Variants in ESYT2 observed in about 807,000 individuals in gnomAD.
ESYT2 encodes extended synaptotagmin 2.
A neutral mutation model predicts 107.2 loss-of-function variants in ESYT2; 54 were observed. The observed-to-expected ratio is 0.50, with a 90% CI of 0.40 to 0.63. The LOEUF is 0.63. Ranked by LOEUF, ESYT2 falls within the 30% of genes least tolerant of loss-of-function variation. The pLI is 0.00. For missense variants in ESYT2, 1,020 were observed against 1,094.5 expected (o/e 0.93, Z 0.96); for synonymous variants, 491 against 434.1 (o/e 1.13, Z -1.63).
intron 16 of ESYT2, among the ~76,000 whole-genome samples, chr7:158,747,389 A>G (rs1837441053): frequency 6.6e-6 from 1 of 152,164 alleles, no homozygotes; most frequent in Non-Finnish European, 1.5e-5. Context: ...ACGTCTTACA[A>G]ACTCAGTATT....
At position 158,737,133 on chromosome 7, in the gene ESYT2, T is replaced by C. The variant is rs775209416; in HGVS notation, c.2314A>G (p.Met772Val). Residue 772 changes from methionine (M) to valine (V), a missense_variant, in exon 20 of 23, where the codon ATG becomes GTG. Transcript: ENST00000275418. ...SEDGSDPYVR[M>V]YLLPDKRRSG... Reference sequence around the variant, plus strand: ...CGCCTCTTGTCTGGTAATAAATACATGCGGACATAGGGGTCAGAGCCGTCT... The same window carrying C: ...CGCCTCTTGTCTGGTAATAAATACACGCGGACATAGGGGTCAGAGCCGTCT... The C allele has an allele frequency of 4.3e-6, 7 of 1,613,970 alleles. No homozygotes were observed. The highest frequency in any genetic ancestry group is 2.2e-5 in the South Asian group (2 of 91,070).
chr7:158,770,599 C>A (rs1010695238), intron 7 of ESYT2, among the ~76,000 whole-genome samples: 1 of 151,994 alleles, frequency 6.6e-6, no homozygotes, highest in Non-Finnish European at 1.5e-5. Flanking sequence ...AGTGCAAGCT[C>A]CGCCTCCTGG....
rs1359357695 is a variant in ESYT2, at chr7:158,738,340, C to CACAG, written c.2267+679_2267+682dup. 1.9e-3 allele frequency among the ~76,000 whole-genome samples: 121 copies of CACAG among 64,104 alleles called. 5 individuals are homozygous for CACAG. Among genetic ancestry groups the CACAG allele is most frequent in the African/African-American group, 6.3e-3 (113 of 17,902 alleles). The allele number at this position is 64,104 out of a possible 152,430, so 42.1% of individuals were successfully genotyped here. ...AAAAAAAAAAAAATACACACACACA[C>CACAG]ACAGACACACACACACACACACACA... On this transcript the variant is annotated intron_variant, in intron 19 of 22. Coordinates refer to ENST00000275418, the MANE Select transcript of ESYT2 (RefSeq NM_001367773.1).
intron 1 of ESYT2, among the ~76,000 whole-genome samples, chr7:158,815,801 A>C (rs1313528132): frequency 6.6e-6 from 1 of 152,254 alleles, no homozygotes; most frequent in Admixed American, 6.5e-5. Context: ...AGATGTGATC[A>C]ATTATAAGCT....
At chr7:158,827,188 AAG>A (rs1026983057) in intron 1 of ESYT2, among the ~76,000 whole-genome samples, 5 of 152,086 alleles carry the variant, frequency 3.3e-5, no homozygotes, top group African/African-American at 1.2e-4. Flanking sequence ...AGAAAAGAAA[AAG>A]AAAATCTGTG....
intron 4 of ESYT2, among the ~76,000 whole-genome samples, chr7:158,790,450 G>A (rs919428508): frequency 1.4e-5 from 2 of 146,528 alleles, no homozygotes; most frequent in African/African-American, 4.8e-5. Flanking sequence ...GAAGAATGAG[G>A]ATGAAGGACA....
At chr7:158,761,417 G>T in intron 11 of ESYT2, 79 bp downstream of exon 11, 1 of 1,205,222 alleles carries the variant, frequency 8.3e-7, no homozygotes, top group East Asian at 2.3e-5. Context: ...ATGGTGAAGG[G>T]GTGGTTCGTG....
intron 8 of ESYT2, among the ~76,000 whole-genome samples, chr7:158,765,124 CCA>C (rs1411867027): frequency 1.3e-5 from 2 of 152,096 alleles, no homozygotes; most frequent in Admixed American, 1.3e-4. Context: ...GACAACCCCT[CCA>C]CAGAGACACG....
chr7:158,775,748 T>C (rs888718898), intron 6 of ESYT2, among the ~76,000 whole-genome samples: 1 of 152,172 alleles, frequency 6.6e-6, no homozygotes. Flanking sequence ...ATCAACTTTT[T>C]CCAAATTCCT....
chr7:158,783,042 G>GT (rs1838976009), intron 6 of ESYT2, among the ~76,000 whole-genome samples: 1 of 152,152 alleles, frequency 6.6e-6, no homozygotes, highest in African/African-American at 2.4e-5. Context: ...CCATGGACAC[G>GT]TGCCTCAGGA....
At chr7:158,784,155 G>A (rs1005251230) in intron 6 of ESYT2, among the ~76,000 whole-genome samples, 2 of 152,112 alleles carry the variant, frequency 1.3e-5, no homozygotes, top group South Asian at 2.1e-4. Flanking sequence ...ACTGGGGGTG[G>A]GCAAGACTGT....
chr7:158,740,909 A>G (rs921027939), intron 18 of ESYT2, among the ~76,000 whole-genome samples: 4 of 152,184 alleles, frequency 2.6e-5, no homozygotes, highest in African/African-American at 9.7e-5. Context: ...CCACACAGGG[A>G]GAACTATTTC....
intron 20 of ESYT2, among the ~76,000 whole-genome samples, chr7:158,735,910 G>T (rs979611206): frequency 6.6e-6 from 1 of 152,106 alleles, no homozygotes; most frequent in Non-Finnish European, 1.5e-5. Context: ...TCTTCCAGGG[G>T]ATTAAAATGT....
chr7:158,765,476 G>C (rs1838125858), intron 8 of ESYT2, among the ~76,000 whole-genome samples: 2 of 152,150 alleles, frequency 1.3e-5, no homozygotes. Context: ...GCTCATGCCT[G>C]TGATCACAGC....
intron 13 of ESYT2, among the ~76,000 whole-genome samples, chr7:158,757,992 A>T (rs192640233): frequency 1.3e-5 from 2 of 152,230 alleles, no homozygotes; most frequent in Non-Finnish European, 2.9e-5. Context: ...AATTCTGTGG[A>T]AAGATTAAAT....
At chr7:158,754,113 G>A (rs776083636) in intron 13 of ESYT2, among the ~76,000 whole-genome samples, 8 of 152,232 alleles carry the variant, frequency 5.3e-5, no homozygotes, top group Admixed American at 4.6e-4. Context: ...GTGCCCCGTC[G>A]GGAGGCCTCT....
intron 14 of ESYT2, among the ~76,000 whole-genome samples, chr7:158,750,811 T>C (rs1837560432): frequency 6.6e-6 from 1 of 152,208 alleles, no homozygotes; most frequent in African/African-American, 2.4e-5. Context: ...CTAACCTCCC[T>C]TGCAGTCAGG....
At chr7:158,802,895 A>G (rs927545459) in intron 1 of ESYT2, among the ~76,000 whole-genome samples, 4 of 152,258 alleles carry the variant, frequency 2.6e-5, no homozygotes, top group African/African-American at 9.6e-5. Flanking sequence ...CTTGCCAATC[A>G]AGTTCATTTA....
chr7:158,734,336 C>T (rs1836842435), intron 22 of ESYT2, 84 bp from the exon 23 acceptor site: 2 of 1,612,042 alleles, frequency 1.2e-6, no homozygotes, highest in Non-Finnish European at 1.7e-6. Flanking sequence ...GGTTCCACCA[C>T]TGTCTGTGGG....
Sources: allele counts gnomAD v4.1 joint callset (sites outside exome capture counted in the v4.1 genomes callset), GRCh38; gene constraint gnomAD v4.1.1; transcripts MANE v1.5; gene names NCBI Gene and HGNC (gene_info 2026-07-23, HGNC 2026-07-21).